DNAH7: variants seen among roughly 807,000 people sequenced by gnomAD.
DNAH7 encodes the protein dynein axonemal heavy chain 7, also known as axonemal beta dynein heavy chain 7.
In DNAH7, 397 loss-of-function variants were observed where a neutral mutation model predicts 444.6. That is an observed-to-expected ratio of 0.89 (90% confidence interval 0.82 to 0.97). The LOEUF (loss-of-function observed/expected upper bound fraction) is 0.97. Among genes scored for constraint, DNAH7 ranks in the 50% least tolerant of loss-of-function variants. The probability of loss-of-function intolerance (pLI) is 0.00; values close to 1 mark genes in which losing one functional copy is unlikely to be tolerated. For missense variants in DNAH7, 4,902 were observed against 4,800.8 expected (o/e 1.02, Z -0.62); for synonymous variants, 1,636 against 1,624.4 (o/e 1.01, Z -0.17).
chr2:195,873,084 G>A (rs1700815570), intron 39 of DNAH7, among the ~76,000 whole-genome samples: 2 of 152,124 alleles, frequency 1.3e-5, no homozygotes, highest in South Asian at 4.1e-4. Flanking sequence ...CACTGGATAA[G>A]GCAAGGAATG....
chr2:195,796,529 T>C, intron 56 of DNAH7, 47 bp downstream of exon 56: 3 of 1,602,236 alleles, frequency 1.9e-6, no homozygotes, highest in South Asian at 1.1e-5. Flanking sequence ...ATATTACTAA[T>C]TAGATCCAGG....
chr2:195,797,637 T>C (rs985786455), intron 55 of DNAH7, among the ~76,000 whole-genome samples: 12 of 152,184 alleles, frequency 7.9e-5, no homozygotes, highest in Non-Finnish European at 1.6e-4. Flanking sequence ...CCCACTCTAC[T>C]CCTACCCACC....
intron 15 of DNAH7, among the ~76,000 whole-genome samples, chr2:195,975,747 G>A (rs1368295689): frequency 6.6e-6 from 1 of 152,170 alleles, no homozygotes; most frequent in African/African-American, 2.4e-5. Flanking sequence ...AGGGCAATGG[G>A]TAGAGTAGTG....
chr2:195,990,906 T>C (rs1363848642), intron 12 of DNAH7, among the ~76,000 whole-genome samples: 3 of 140,506 alleles, frequency 2.1e-5, no homozygotes, highest in East Asian at 2.1e-4. Context: ...TACATATATA[T>C]ACTTAAATAT....
intron 51 of DNAH7, among the ~76,000 whole-genome samples, chr2:195,815,435 A>T (rs1163702043): frequency 6.6e-6 from 1 of 152,130 alleles, no homozygotes; most frequent in Non-Finnish European, 1.5e-5. Flanking sequence ...AATCTTACTA[A>T]CAAAAAATTG....
In DNAH7 at chr2:196,000,704, C is replaced by A; in HGVS notation, c.1353G>T (p.Trp451Cys). 6.5e-7 allele frequency: 1 copy of A among 1,542,948 alleles called. No individual in the cohort carries two copies. Among genetic ancestry groups the A allele is most frequent in the Non-Finnish European group, 8.7e-7 (1 of 1,143,438 alleles). ...CAATCTTAATATCCTTGTTACTTAC[C>A]CACTTGGAATACAATTTTGTCTCAA... The part of the protein sequence containing the change: ...PRVETKLYSK[W>C]ESKSKPTTLK... Residue 451 changes from tryptophan to cysteine, a missense_variant and splice_region_variant, in exon 12 of 65, where the codon TGG (tryptophan) becomes TGT (cysteine). Physicochemically the swap from Trp to Cys is radical, Grantham distance 215. Coordinates refer to ENST00000312428, the MANE Select transcript of DNAH7 (RefSeq NM_018897.3).
In DNAH7 at chr2:195,808,864, C is replaced by A. The variant is rs1559112035; in HGVS notation, c.9901G>T (p.Glu3301Ter). Residue 3301 changes from glutamate to a stop codon, truncating the protein, a stop_gained, in exon 53 of 65, where the codon GAG (glutamate) becomes TAG (stop). Transcript: ENST00000312428. LOFTEE classifies it high-confidence loss of function. ...LLHERAINKA[E>*]WRFLLTGGIG... ...CCACCAGTTAGCAGAAATCTCCACTCAGCTTTATTAATCTTTGGAAAACAA... is the reference window on the plus strand; with the variant it reads ...CCACCAGTTAGCAGAAATCTCCACTAAGCTTTATTAATCTTTGGAAAACAA... 2 of 1,613,106 alleles carry A rather than the reference C, an allele frequency of 1.2e-6. No homozygotes were observed. The highest frequency in any genetic ancestry group is 1.7e-4 in the Middle Eastern group (1 of 6,056).
At chr2:196,035,138 C>T (rs982115255) in intron 5 of DNAH7, among the ~76,000 whole-genome samples, 8 of 151,948 alleles carry the variant, frequency 5.3e-5, no homozygotes, top group East Asian at 3.9e-4. Context: ...GCCAAGATCA[C>T]GCCACTGCAC....
chr2:195,794,327 C>A lies in DNAH7; in HGVS notation c.10716+11G>T. The stretch of plus-strand genomic sequence containing the variant: ...ACAGGGCCGAGGTAACAAGACTTAA[C>A]CATTACTAACAGGCTTTTTGCAGCT... On this transcript the variant is annotated intron_variant, in intron 57 of 64. Coordinates refer to ENST00000312428, the MANE Select transcript of DNAH7 (RefSeq NM_018897.3). The A allele has an allele frequency of 6.2e-7, 1 of 1,613,972 alleles. No individual in the cohort carries two copies. The highest frequency in any genetic ancestry group is 8.5e-7 in the Non-Finnish European group (1 of 1,179,916).
intron 8 of DNAH7, among the ~76,000 whole-genome samples, chr2:196,022,952 G>A (rs559457376): frequency 2.6e-5 from 4 of 152,252 alleles, no homozygotes; most frequent in South Asian, 4.1e-4. Flanking sequence ...TGGGTATATT[G>A]TGTGATGCTG....
At chr2:195,945,004 A>AT (rs906062692) in intron 19 of DNAH7, among the ~76,000 whole-genome samples, 6 of 151,632 alleles carry the variant, frequency 4.0e-5, no homozygotes, top group African/African-American at 1.2e-4. Flanking sequence ...TGATTGAGTG[A>AT]TTTTTACACT....
chr2:195,781,976 T>C (rs904829813), intron 58 of DNAH7, among the ~76,000 whole-genome samples: 37 of 129,754 alleles, frequency 2.9e-4, no homozygotes, highest in Non-Finnish European at 4.0e-4. Flanking sequence ...GTGGGTCTTA[T>C]ACACACACAC....
intron 54 of DNAH7, among the ~76,000 whole-genome samples, chr2:195,803,574 G>T (rs71420698): frequency 6.6e-6 from 1 of 152,190 alleles, no homozygotes. Context: ...TTATGCCAGC[G>T]TTAGGTTTGT....
rs374226675 is a variant in DNAH7, at chr2:195,871,647, G to A, written c.6633+603C>T. 5.3e-5 allele frequency among the ~76,000 whole-genome samples: 8 copies of A among 151,152 alleles called. No individual in the cohort carries two copies. In the East Asian group the frequency reaches 1.6e-3, roughly 29 times the overall value. On this transcript the variant is annotated intron_variant, in intron 40 of 64. Coordinates refer to ENST00000312428, the MANE Select transcript of DNAH7 (RefSeq NM_018897.3). Reference sequence around the variant, plus strand: ...TTATAAAAACATCTCCTTAAAAAGTGTTCCATTTCAAATTTATTTGAAGTC... The same window carrying A: ...TTATAAAAACATCTCCTTAAAAAGTATTCCATTTCAAATTTATTTGAAGTC...
intron 20 of DNAH7, among the ~76,000 whole-genome samples, chr2:195,936,360 G>A (rs1689052368): frequency 6.6e-6 from 1 of 152,044 alleles, no homozygotes; most frequent in Non-Finnish European, 1.5e-5. Flanking sequence ...GGAAACAAGA[G>A]TGAAACTCCA....
intron 16 of DNAH7, among the ~76,000 whole-genome samples, chr2:195,971,578 A>C (rs749549636): frequency 6.6e-6 from 1 of 152,166 alleles, no homozygotes; most frequent in East Asian, 1.9e-4. Flanking sequence ...TAGATGAACA[A>C]GCACATGTGG....
chr2:195,814,061 T>C (rs1284491941), intron 51 of DNAH7, among the ~76,000 whole-genome samples: 4 of 152,168 alleles, frequency 2.6e-5, no homozygotes, highest in Non-Finnish European at 5.9e-5. Context: ...GGGTTAGTGA[T>C]CAGGAGGGGA....
In DNAH7 at chr2:195,755,623, C is replaced by G. The variant is rs113963118; in HGVS notation, c.11586+510G>C. Among the ~76,000 whole-genome samples the G allele has an allele frequency of 2.6e-3, 396 of 152,300 alleles. 1 individual carries two copies. Among genetic ancestry groups the G allele is most frequent in the African/African-American group, 9.4e-3 (390 of 41,566 alleles). On this transcript the variant is annotated intron_variant, in intron 62 of 64. Coordinates refer to ENST00000312428, the MANE Select transcript of DNAH7 (RefSeq NM_018897.3). Reference sequence around the variant, plus strand: ...TAGGCAGCTTTTGACACATTATATACAGAATCTAGGAAATTAATCAATATT... The same window carrying G: ...TAGGCAGCTTTTGACACATTATATAGAGAATCTAGGAAATTAATCAATATT...
At chr2:196,007,098 A>G (rs1694425706) in intron 10 of DNAH7, among the ~76,000 whole-genome samples, 2 of 152,204 alleles carry the variant, frequency 1.3e-5, no homozygotes, top group Non-Finnish European at 1.5e-5. Flanking sequence ...TTGCTACTAA[A>G]ATGCATATAA....
Sources: allele counts gnomAD v4.1 joint callset (sites outside exome capture counted in the v4.1 genomes callset), GRCh38; gene constraint gnomAD v4.1.1; transcripts MANE v1.5; gene names NCBI Gene and HGNC (gene_info 2026-07-23, HGNC 2026-07-21).